CNTNAP2: variants seen among roughly 807,000 people sequenced by gnomAD.
The protein encoded by CNTNAP2 is contactin-associated protein-like 2.
In CNTNAP2, 98 loss-of-function variants were observed where a neutral mutation model predicts 155.2. The ratio of observed to expected loss-of-function variants is 0.63; its 90% confidence interval spans 0.54 to 0.75. The LOEUF (loss-of-function observed/expected upper bound fraction) is 0.75. Ranked by LOEUF, CNTNAP2 falls within the 30% of genes least tolerant of loss-of-function variation. The pLI is 0.00. For synonymous variants in CNTNAP2, 651 were observed against 631.2 expected (o/e 1.03, Z -0.47); for missense variants, 1,727 against 1,688.1 (o/e 1.02, Z -0.40).
chr7:148,174,740 T>G (rs1794903662), intron 18 of CNTNAP2, among the ~76,000 whole-genome samples: 1 of 152,172 alleles, frequency 6.6e-6, no homozygotes, highest in Non-Finnish European at 1.5e-5. Flanking sequence ...AATACTAGTA[T>G]TTTTTCTTAT....
chr7:147,646,118 G>A (rs1036134465), intron 13 of CNTNAP2, among the ~76,000 whole-genome samples: 3 of 152,144 alleles, frequency 2.0e-5, no homozygotes, highest in Admixed American at 6.5e-5. Flanking sequence ...TGGGACTTGA[G>A]AGAAAGTTTG....
chr7:147,790,276 T>C (rs997332210), intron 13 of CNTNAP2, among the ~76,000 whole-genome samples: 1 of 152,104 alleles, frequency 6.6e-6, no homozygotes, highest in Admixed American at 6.5e-5. Context: ...TATATCACTA[T>C]CCGAAAGTAT....
intron 14 of CNTNAP2, among the ~76,000 whole-genome samples, chr7:147,923,910 A>T (rs1800332488): frequency 6.6e-6 from 1 of 152,172 alleles, no homozygotes; most frequent in Non-Finnish European, 1.5e-5. Context: ...TGAGAAAATA[A>T]ATCTCTGTTG....
In CNTNAP2 at chr7:146,863,590, G is replaced by C. The variant is rs558165551; in HGVS notation, c.402+23686G>C. Among the ~76,000 whole-genome samples the C allele has an allele frequency of 1.5e-4, 23 of 152,102 alleles. No homozygotes were observed. The East Asian group carries it at 4.1e-3, about 27-fold the overall frequency. On this transcript the variant is annotated intron_variant, in intron 3 of 23. Transcript: ENST00000361727. ...TGGGTAATTAAGAGAAGAATTAGAA[G>C]ACTTGAATGAAAATATATAATACTT...
chr7:147,085,391 C>T (rs913052591), intron 4 of CNTNAP2, among the ~76,000 whole-genome samples: 7 of 152,002 alleles, frequency 4.6e-5, no homozygotes, highest in Non-Finnish European at 8.8e-5. Context: ...GATGAGTGCC[C>T]GCATTAGATT....
At chr7:147,199,846 A>T (rs199892602) in intron 8 of CNTNAP2, among the ~76,000 whole-genome samples, 19 of 141,392 alleles carry the variant, frequency 1.3e-4, no homozygotes, top group South Asian at 2.4e-4. Flanking sequence ...AAAAAAAAAA[A>T]TTTTGTTTCA....
chr7:146,432,255 A>G (rs1392785399), intron 1 of CNTNAP2, among the ~76,000 whole-genome samples: 4 of 152,142 alleles, frequency 2.6e-5, no homozygotes, highest in African/African-American at 9.7e-5. Context: ...ATTCTTAATT[A>G]AAGAGGAATG....
At chr7:147,578,424 C>T (rs981820435) in intron 12 of CNTNAP2, among the ~76,000 whole-genome samples, 3 of 152,006 alleles carry the variant, frequency 2.0e-5, no homozygotes, top group Non-Finnish European at 4.4e-5. Flanking sequence ...TTTTTGGTGC[C>T]GGTTCAATTT....
chr7:147,138,467 TC>T (rs1801532487), intron 8 of CNTNAP2, among the ~76,000 whole-genome samples: 1 of 151,976 alleles, frequency 6.6e-6, no homozygotes, highest in African/African-American at 2.4e-5. Flanking sequence ...GGCATTTGAG[TC>T]AATGGTATGT....
chr7:146,748,306 CAGCTAATTTTTTGTAT>C (rs74331831), intron 1 of CNTNAP2, among the ~76,000 whole-genome samples: 14,928 of 152,014 alleles, frequency 0.098, 959 homozygotes, highest in Middle Eastern at 0.15. Context: ...CCACCACGCC[CAGCTAATTTTTTGTAT>C]TTTTGTTAGA....
At position 146,517,360 on chromosome 7, in the gene CNTNAP2, A is replaced by G. The variant is rs765800351; in HGVS notation, c.98-256911A>G. On this transcript the variant is annotated intron_variant, in intron 1 of 23. Coordinates refer to ENST00000361727, the MANE Select transcript of CNTNAP2 (RefSeq NM_014141.6). ...CTTGGTGAAGAGGATCATGAGATTT[A>G]ATTGTCAGGAGACTCCCCTGAAGAA... 2.6e-4 allele frequency among the ~76,000 whole-genome samples: 39 copies of G among 151,984 alleles called. 1 individual carries two copies. The highest frequency in any genetic ancestry group is 1.6e-4 in the Non-Finnish European group (11 of 67,932).
chr7:147,376,484 A>G (rs11974019), intron 9 of CNTNAP2, among the ~76,000 whole-genome samples: 32,797 of 151,936 alleles, frequency 0.22, 4,297 homozygotes, highest in African/African-American at 0.37. Context: ...AGACATATTT[A>G]GAATTTTTCT....
chr7:147,054,536 A>C (rs756846389), intron 4 of CNTNAP2, among the ~76,000 whole-genome samples: 1 of 152,142 alleles, frequency 6.6e-6, no homozygotes, highest in African/African-American at 2.4e-5. Flanking sequence ...CATTTCACTT[A>C]TAATCCGTTT....
chr7:146,639,642 G>A (rs1207415687), intron 1 of CNTNAP2, among the ~76,000 whole-genome samples: 3 of 152,230 alleles, frequency 2.0e-5, no homozygotes, highest in African/African-American at 7.2e-5. Flanking sequence ...CCTCCAGGGA[G>A]TGGAGTTGAT....
At chr7:146,869,233 T>A (rs1374854909) in intron 3 of CNTNAP2, among the ~76,000 whole-genome samples, 4 of 152,220 alleles carry the variant, frequency 2.6e-5, no homozygotes, top group Non-Finnish European at 5.9e-5. Context: ...GAAGTGGTGT[T>A]AAATTTTATT....
chr7:147,527,016 T>TTTTC (rs1491114345), intron 11 of CNTNAP2, among the ~76,000 whole-genome samples: 3,436 of 41,620 alleles, frequency 0.083, 169 homozygotes, highest in African/African-American at 0.18. Context: ...CAGGCATTTC[T>TTTTC]TTTTTTTTTT....
chr7:147,067,548 T>C (rs929447283), intron 4 of CNTNAP2, among the ~76,000 whole-genome samples: 5 of 152,184 alleles, frequency 3.3e-5, no homozygotes, highest in African/African-American at 1.2e-4. Flanking sequence ...ATATTTACAA[T>C]GTAGCAGTGA....
intron 1 of CNTNAP2, among the ~76,000 whole-genome samples, chr7:146,743,195 G>A (rs1801749608): frequency 6.6e-6 from 1 of 152,096 alleles, no homozygotes; most frequent in Admixed American, 6.6e-5. Flanking sequence ...TGCTTGTGTT[G>A]TAGAATTAAA....
At chr7:146,234,827 C>T (rs1004538648) in intron 1 of CNTNAP2, among the ~76,000 whole-genome samples, 2 of 152,200 alleles carry the variant, frequency 1.3e-5, no homozygotes, top group Non-Finnish European at 2.9e-5. Context: ...GGTAGCACTG[C>T]CACATTCAGT....
Sources: allele counts gnomAD v4.1 joint callset (sites outside exome capture counted in the v4.1 genomes callset), GRCh38; gene constraint gnomAD v4.1.1; transcripts MANE v1.5; gene names NCBI Gene and HGNC (gene_info 2026-07-23, HGNC 2026-07-21).